The following EPHA6 variants were observed in gnomAD, a reference collection of about 807,000 sequenced individuals.
The protein encoded by EPHA6 is EPH receptor A6.
In EPHA6, 50 loss-of-function variants were observed where a neutral mutation model predicts 112.0. That is an observed-to-expected ratio of 0.45 (90% CI 0.36 to 0.56). The LOEUF is 0.56. Ranked by LOEUF, EPHA6 falls within the 20% of genes least tolerant of loss-of-function variation. The pLI is 0.00. For missense variants in EPHA6, 1,280 were observed against 1,417.4 expected (o/e 0.90, Z 1.56); for synonymous variants, 529 against 490.7 (o/e 1.08, Z -1.03).
At chr3:97,195,978 C>T (rs1037300325) in intron 3 of EPHA6, among the ~76,000 whole-genome samples, 2 of 151,908 alleles carry the variant, frequency 1.3e-5, no homozygotes, top group African/African-American at 4.8e-5. Context: ...ATATGAGTTA[C>T]ATATGCTTGG....
At chr3:97,136,383 A>G (rs1166904621) in intron 3 of EPHA6, among the ~76,000 whole-genome samples, 1 of 152,136 alleles carries the variant, frequency 6.6e-6, no homozygotes, top group East Asian at 1.9e-4. Flanking sequence ...ATAAAACTCA[A>G]CTGCTATGTT....
intron 3 of EPHA6, among the ~76,000 whole-genome samples, chr3:97,109,289 A>G (rs1323117425): frequency 6.6e-6 from 1 of 152,164 alleles, no homozygotes; most frequent in Non-Finnish European, 1.5e-5. Context: ...CTAACTTTTT[A>G]TAGACATGCA....
intron 3 of EPHA6, among the ~76,000 whole-genome samples, chr3:97,076,497 A>G (rs1005299150): frequency 6.6e-6 from 1 of 152,210 alleles, no homozygotes; most frequent in South Asian, 2.1e-4. Flanking sequence ...GATGAAAGTC[A>G]TGTTCATAGC....
intron 6 of EPHA6, among the ~76,000 whole-genome samples, chr3:97,421,616 C>T (rs912789327): frequency 6.6e-6 from 1 of 151,982 alleles, no homozygotes; most frequent in Non-Finnish European, 1.5e-5. Flanking sequence ...TTGTGGAAAT[C>T]AAAAAACTGA....
intron 3 of EPHA6, among the ~76,000 whole-genome samples, chr3:97,060,341 A>G (rs2045980139): frequency 6.6e-6 from 1 of 152,224 alleles, no homozygotes; most frequent in South Asian, 2.1e-4. Flanking sequence ...CTGAGCTATA[A>G]TTGAAGTAAA....
chr3:97,419,080 G>A (rs149330957), intron 6 of EPHA6, among the ~76,000 whole-genome samples: 11 of 152,220 alleles, frequency 7.2e-5, no homozygotes, highest in East Asian at 5.8e-4. Context: ...CAAGGCGGGC[G>A]AATCACCTGA....
At chr3:96,994,332 G>C in intron 3 of EPHA6, 1 of 241,406 alleles carries the variant, frequency 4.1e-6, no homozygotes, top group East Asian at 6.2e-5. Flanking sequence ...CTGTCATATT[G>C]GACATGTTGA....
At chr3:97,379,674 G>A (rs1469502591) in intron 5 of EPHA6, among the ~76,000 whole-genome samples, 1 of 148,110 alleles carries the variant, frequency 6.8e-6, no homozygotes, top group Middle Eastern at 3.2e-3. Flanking sequence ...GTTTGAACCT[G>A]GGAGGCAGAG....
intron 2 of EPHA6, among the ~76,000 whole-genome samples, chr3:96,926,660 A>AG (rs1208520197): frequency 1.3e-5 from 2 of 152,238 alleles, no homozygotes; most frequent in Non-Finnish European, 2.9e-5. Flanking sequence ...GCCCCATGCA[A>AG]GTCCAAACAT....
chr3:97,517,011 T>C (rs531136238), intron 10 of EPHA6, among the ~76,000 whole-genome samples: 3 of 152,152 alleles, frequency 2.0e-5, no homozygotes, highest in Non-Finnish European at 2.9e-5. Flanking sequence ...GAACAAACCA[T>C]GTCTTCATGG....
intron 6 of EPHA6, among the ~76,000 whole-genome samples, chr3:97,411,831 C>T (rs565824212): frequency 6.6e-6 from 1 of 152,166 alleles, no homozygotes; most frequent in African/African-American, 2.4e-5. Flanking sequence ...TGGACAGTTG[C>T]ACGGAAGTGT....
intron 5 of EPHA6, among the ~76,000 whole-genome samples, chr3:97,350,459 A>T (rs2083752755): frequency 6.6e-6 from 1 of 152,176 alleles, no homozygotes; most frequent in Admixed American, 6.6e-5. Flanking sequence ...TCACAAATAT[A>T]GTGGTCCTAA....
At chr3:97,581,548 CATGATAGAGAGA>C (rs1427234650) in intron 11 of EPHA6, among the ~76,000 whole-genome samples, 5 of 152,208 alleles carry the variant, frequency 3.3e-5, no homozygotes, top group African/African-American at 1.2e-4. Context: ...TAATTTTACA[CATGATAGAGAGA>C]AAAGAGCCAC....
intron 7 of EPHA6, among the ~76,000 whole-genome samples, chr3:97,451,873 A>C (rs993413275): frequency 2.6e-5 from 4 of 151,828 alleles, no homozygotes; most frequent in African/African-American, 9.7e-5. Flanking sequence ...TATTCCACTT[A>C]ATTGACTAAC....
chr3:97,299,015 T>C (rs988698822), intron 5 of EPHA6, among the ~76,000 whole-genome samples: 7 of 152,220 alleles, frequency 4.6e-5, no homozygotes, highest in African/African-American at 1.7e-4. Context: ...TATATTCATT[T>C]ATTTAATATG....
At chr3:96,958,909 C>G (rs1000439066) in intron 2 of EPHA6, among the ~76,000 whole-genome samples, 5 of 152,160 alleles carry the variant, frequency 3.3e-5, no homozygotes, top group Admixed American at 6.5e-5. Flanking sequence ...TTTATGCATT[C>G]ATCAGTTGAT....
chr3:97,068,973 A>G (rs774102356), intron 3 of EPHA6, among the ~76,000 whole-genome samples: 1 of 152,140 alleles, frequency 6.6e-6, no homozygotes, highest in Non-Finnish European at 1.5e-5. Context: ...TTGTTACAGC[A>G]GCCCACACTG....
At chr3:96,853,808 C>G (rs568056587) in intron 1 of EPHA6, among the ~76,000 whole-genome samples, 33 of 151,782 alleles carry the variant, frequency 2.2e-4, no homozygotes, top group African/African-American at 8.0e-4. Context: ...TGACCCTACT[C>G]TAGTAACTTC....
intron 5 of EPHA6, among the ~76,000 whole-genome samples, chr3:97,261,026 T>G (rs1330232151): frequency 2.6e-5 from 4 of 152,186 alleles, no homozygotes; most frequent in African/African-American, 9.7e-5. Flanking sequence ...AGGCAGGAAG[T>G]TAATTACTAT....
Sources: allele counts gnomAD v4.1 joint callset (sites outside exome capture counted in the v4.1 genomes callset), GRCh38; gene constraint gnomAD v4.1.1; transcripts MANE v1.5; gene names NCBI Gene and HGNC (gene_info 2026-07-23, HGNC 2026-07-21).